Variants in FRMPD4 observed in about 807,000 individuals in gnomAD.
The protein encoded by FRMPD4 is FERM and PDZ domain containing 4, also known as FERM and PDZ domain-containing protein 4.
FRMPD4 carries 22 observed loss-of-function variants against 94.1 expected under a neutral mutation model. The ratio of observed to expected loss-of-function variants is 0.23; its 90% CI spans 0.17 to 0.33. The LOEUF (loss-of-function observed/expected upper bound fraction) is 0.33. Among genes scored for constraint, FRMPD4 ranks in the 10% least tolerant of loss-of-function variants. The pLI is 1.00. For missense variants in FRMPD4, 1,111 were observed against 1,339.9 expected (o/e 0.83, Z 2.67); for synonymous variants, 631 against 548.6 (o/e 1.15, Z -2.10).
At chrX:12,152,969 C>G (rs1427131315) in intron 1 of FRMPD4, among the ~76,000 whole-genome samples, 1 of 102,122 alleles carries the variant, frequency 9.8e-6, no homozygotes, top group Non-Finnish European at 2.0e-5. Context: ...CTCTGTTGCC[C>G]AGGCCGGACT....
chrX:12,554,999 C>G (rs1439663547), intron 2 of FRMPD4, among the ~76,000 whole-genome samples: 1 of 111,861 alleles, frequency 8.9e-6, no homozygotes, highest in African/African-American at 3.2e-5. Flanking sequence ...ATCTCACCCC[C>G]TGACCACTCC....
intron 3 of FRMPD4, among the ~76,000 whole-genome samples, chrX:12,058,827 G>A (rs1005506698): frequency 9.1e-6 from 1 of 110,324 alleles, no homozygotes; most frequent in South Asian, 3.9e-4. Context: ...TCATAACTGG[G>A]GGACGGGTTG....
chrX:12,586,413 A>C (rs750475785), intron 2 of FRMPD4, among the ~76,000 whole-genome samples: 1 of 112,963 alleles, frequency 8.9e-6, no homozygotes, highest in African/African-American at 3.2e-5. Flanking sequence ...TGGCAGCTTT[A>C]ATATCTGATG....
chrX:12,424,578 A>C (rs1440718086), intron 1 of FRMPD4, among the ~76,000 whole-genome samples: 1 of 112,118 alleles, frequency 8.9e-6, no homozygotes, highest in African/African-American at 3.2e-5. Flanking sequence ...GATCAGATAG[A>C]TCGAGGGTGG....
At chrX:12,334,610 G>GAA (rs780511138) in intron 1 of FRMPD4, among the ~76,000 whole-genome samples, 3,882 of 97,938 alleles carry the variant, frequency 0.04, 190 homozygotes, top group African/African-American at 0.13. Context: ...CTTCATTGGT[G>GAA]AAAAAAAAAA....
chrX:12,352,170 G>A (rs939329712), intron 1 of FRMPD4, among the ~76,000 whole-genome samples: 6 of 111,904 alleles, frequency 5.4e-5, no homozygotes, highest in African/African-American at 1.9e-4. Flanking sequence ...TTGCCATTAT[G>A]GATCTTTTTC....
intron 1 of FRMPD4, among the ~76,000 whole-genome samples, chrX:12,355,371 G>C (rs2055880378): frequency 9.0e-6 from 1 of 111,088 alleles, no homozygotes; most frequent in African/African-American, 3.3e-5. Flanking sequence ...TGTAGAGACA[G>C]GTTTCACCAT....
intron 2 of FRMPD4, among the ~76,000 whole-genome samples, chrX:12,569,878 G>A (rs1208898981): frequency 8.9e-6 from 1 of 111,819 alleles, no homozygotes; most frequent in Non-Finnish European, 1.9e-5. Flanking sequence ...GGACTGCCAG[G>A]TTCCTAAATC....
At chrX:12,493,270 G>A (rs1445208149) in intron 1 of FRMPD4, among the ~76,000 whole-genome samples, 1 of 110,954 alleles carries the variant, frequency 9.0e-6, no homozygotes, top group African/African-American at 3.3e-5. Flanking sequence ...GTAGGGTTTG[G>A]GGTTCTATAA....
intron 1 of FRMPD4, among the ~76,000 whole-genome samples, chrX:12,422,851 G>A (rs1276044145): frequency 9.0e-6 from 1 of 111,723 alleles, no homozygotes; most frequent in African/African-American, 3.3e-5. Context: ...GGTTCTTCAT[G>A]CTTGCACCTG....
At chrX:11,860,328 A>T (rs941481919) in intron 1 of FRMPD4, among the ~76,000 whole-genome samples, 2 of 111,898 alleles carry the variant, frequency 1.8e-5, no homozygotes, top group African/African-American at 6.5e-5. Flanking sequence ...CTGATTGAGG[A>T]TCATCTATGG....
intron 2 of FRMPD4, among the ~76,000 whole-genome samples, chrX:12,602,610 A>G (rs2059094872): frequency 8.9e-6 from 1 of 112,301 alleles, no homozygotes; most frequent in South Asian, 3.7e-4. Flanking sequence ...GACTAGATGC[A>G]TGAGCTTTTG....
intron 3 of FRMPD4, among the ~76,000 whole-genome samples, chrX:11,883,440 C>G (rs2053825078): frequency 9.0e-6 from 1 of 111,685 alleles, no homozygotes; most frequent in Non-Finnish European, 1.9e-5. Context: ...GTAAAAGGCT[C>G]TCTAATCTTT....
intron 1 of FRMPD4, among the ~76,000 whole-genome samples, chrX:12,279,985 A>G (rs1006706973): frequency 9.0e-6 from 1 of 111,214 alleles, no homozygotes; most frequent in African/African-American, 3.3e-5. Context: ...AATAGGACTC[A>G]TAATATGACT....
intron 3 of FRMPD4, among the ~76,000 whole-genome samples, chrX:11,926,907 G>C (rs936748423): frequency 9.0e-6 from 1 of 111,377 alleles, no homozygotes; most frequent in African/African-American, 3.3e-5. Context: ...AGGGAAATTA[G>C]CCAACAGAAA....
At chrX:12,335,514 C>T (rs1172845724) in intron 1 of FRMPD4, among the ~76,000 whole-genome samples, 1 of 111,515 alleles carries the variant, frequency 9.0e-6, no homozygotes, top group East Asian at 2.8e-4. Flanking sequence ...CACATTGCCT[C>T]CTACCCAACA....
intron 1 of FRMPD4, among the ~76,000 whole-genome samples, chrX:12,142,737 G>A (rs1034734281): frequency 8.9e-6 from 1 of 111,843 alleles, no homozygotes; most frequent in African/African-American, 3.2e-5. Context: ...GTCGCTCGCA[G>A]TTCTGGGAAG....
In FRMPD4 at chrX:12,706,923, CTTTTTT is replaced by C. The variant is rs746601138; in HGVS notation, c.1287+21_1287+26del. 56 of 608,663 alleles carry C rather than the reference CTTTTTT, an allele frequency of 9.2e-5. No homozygotes were observed. The highest frequency in any genetic ancestry group is 2.0e-4 in the South Asian group (6 of 29,635). The allele number at this position is 608,663 out of a possible 1,213,427, so 50.2% of individuals were successfully genotyped here. On this transcript the variant is annotated intron_variant, in intron 12 of 16. Transcript: ENST00000675598. ...TTCAAGGCAACATTAGTGGTAATTT[CTTTTTT>C]TTTTTTTTTTTTGCTTTCTCTTGGA...
At chrX:12,028,448 A>G (rs1192220954) in intron 3 of FRMPD4, among the ~76,000 whole-genome samples, 1 of 111,107 alleles carries the variant, frequency 9.0e-6, no homozygotes, top group East Asian at 2.8e-4. Flanking sequence ...CTAGAGTGGT[A>G]CATTTGTTAC....
Sources: allele counts gnomAD v4.1 joint callset (sites outside exome capture counted in the v4.1 genomes callset), GRCh38; gene constraint gnomAD v4.1.1; transcripts MANE v1.5; gene names NCBI Gene and HGNC (gene_info 2026-07-23, HGNC 2026-07-21).